The following ANK1 variants were observed in gnomAD, a reference collection of about 807,000 sequenced individuals.
ANK1 encodes the protein ankyrin-1.
In ANK1, 51 loss-of-function variants were observed where a neutral mutation model predicts 210.4. That is an observed-to-expected ratio of 0.24 (90% CI 0.19 to 0.31). ANK1 has a LOEUF of 0.31. Ranked by LOEUF, ANK1 falls within the 10% of genes least tolerant of loss-of-function variation. The pLI is 1.00. For missense variants in ANK1, 2,051 were observed against 2,504.4 expected (o/e 0.82, Z 3.86); for synonymous variants, 967 against 1,025.9 (o/e 0.94, Z 1.10).
chr8:41,703,928 C>A lies in ANK1; in HGVS notation c.2295+113G>T, dbSNP rs561570768. 4.4e-3 allele frequency: 4,333 copies of A among 976,240 alleles called. 23 individuals are homozygous for A. The highest frequency in any genetic ancestry group is 5.6e-3 in the Non-Finnish European group (3,444 of 618,350). The allele number at this position is 976,240 out of a possible 1,614,324, so 60.5% of individuals were successfully genotyped here. On this transcript the variant is annotated intron_variant, in intron 20 of 42. Transcript: ENST00000289734. The stretch of plus-strand genomic sequence containing the variant: ...AGGTAGCTGTGGCTTTAGGGTGCTG[C>A]GGCCCCGTCCAGGCCCTAGACACGT...
At chr8:41,663,925 C>T in intron 39 of ANK1, 183 bp from the exon 40 acceptor site, 1 of 673,078 alleles carries the variant, frequency 1.5e-6, no homozygotes, top group South Asian at 1.5e-5. Flanking sequence ...TGGGCGGCGC[C>T]CCTGAGGGTC....
rs376601712 is a variant in ANK1, at chr8:41,672,399, G to A, written c.5051C>T (p.Thr1684Ile). ...CACCTGACTCACGGTGGGGGAATGTGTGATTCGGGCTTGCCCCCTCTGATG... is the reference window on the plus strand; with the variant it reads ...CACCTGACTCACGGTGGGGGAATGTATGATTCGGGCTTGCCCCCTCTGATG... ...SGHQRGQARI[T>I]HSPTVSQVTE... The change falls in exon 38 of 43, where the codon ACA becomes ATA. Residue 1684 changes from threonine (T) to isoleucine (I), a missense_variant. By Grantham distance (89) the Thr-to-Ile change is moderately conservative (BLOSUM62 -1). This residue lies in a region of ANK1 where 496 missense variants were observed against 533.4 expected (regional missense o/e 0.93). Coordinates refer to ENST00000289734, the MANE Select transcript of ANK1 (RefSeq NM_000037.4). 6.7e-5 allele frequency: 108 copies of A among 1,614,098 alleles called. No homozygotes were observed. In the Middle Eastern group the frequency reaches 8.2e-4, roughly 12 times the overall value.
chr8:41,852,056 A>C (rs1811353393), intron 1 of ANK1, among the ~76,000 whole-genome samples: 1 of 152,214 alleles, frequency 6.6e-6, no homozygotes, highest in Non-Finnish European at 1.5e-5. Flanking sequence ...CTTTAGGAAG[A>C]AAAGTAGTAT....
chr8:41,780,807 T>C (rs1230877942), intron 1 of ANK1, among the ~76,000 whole-genome samples: 1 of 152,202 alleles, frequency 6.6e-6, no homozygotes, highest in Non-Finnish European at 1.5e-5. Context: ...TGTGTGTATG[T>C]ATCTGTGCAT....
At chr8:41,717,172 C>T in intron 12 of ANK1, 121 bp from the exon 13 acceptor site, 1 of 976,440 alleles carries the variant, frequency 1.0e-6, no homozygotes, top group Admixed American at 1.9e-5. Context: ...GGTGGAGTTG[C>T]CCCAGCAGGC....
chr8:41,745,314 A>G (rs1208742855), intron 2 of ANK1, among the ~76,000 whole-genome samples: 1 of 152,134 alleles, frequency 6.6e-6, no homozygotes. Flanking sequence ...CGTGGGATGG[A>G]TACGTGGGAA....
intron 1 of ANK1, among the ~76,000 whole-genome samples, chr8:41,771,016 A>C (rs920074285): frequency 6.6e-6 from 1 of 152,210 alleles, no homozygotes; most frequent in Non-Finnish European, 1.5e-5. Context: ...CTACTCCTCT[A>C]TGTGACTGGC....
chr8:41,806,396 G>GA (rs1318750640), intron 1 of ANK1, among the ~76,000 whole-genome samples: 1 of 151,950 alleles, frequency 6.6e-6, no homozygotes, highest in Non-Finnish European at 1.5e-5. Flanking sequence ...AAGATAAAGG[G>GA]AAAAAAGGAG....
At chr8:41,674,885 G>A (rs962741785) in intron 37 of ANK1, among the ~76,000 whole-genome samples, 1 of 152,082 alleles carries the variant, frequency 6.6e-6, no homozygotes, top group Non-Finnish European at 1.5e-5. Flanking sequence ...TGAAATGGGT[G>A]GGTCACATCT....
chr8:41,864,015 C>A (rs550045530), intron 1 of ANK1, among the ~76,000 whole-genome samples: 1 of 152,054 alleles, frequency 6.6e-6, no homozygotes, highest in Admixed American at 6.5e-5. Context: ...GAGGCCGAGG[C>A]GGGTGGATCA....
chr8:41,734,151 C>G, intron 2 of ANK1, 82 bp from the exon 3 acceptor site: 1 of 1,220,040 alleles, frequency 8.2e-7, no homozygotes, highest in Admixed American at 1.7e-5. Flanking sequence ...CAGGCCCCTT[C>G]CCAGCCCTGA....
Position 41,704,224 on chromosome 8 carries a change from G to A in ANK1, c.2197-85C>T, listed in dbSNP as rs768537762. ...CACATGATAGTGCCTGCCCATCTTC[G>A]AAGTGGGACATTAATGAAATGCATT... On this transcript the variant is annotated intron_variant, in intron 19 of 42. Transcript: ENST00000289734. This position sits in a 1 kb window ranked among gnomAD's most constrained non-coding sequence, Gnocchi z 4.1. The A allele has an allele frequency of 7.7e-5, 107 of 1,388,364 alleles. 1 individual carries two copies. The highest frequency in any genetic ancestry group is 1.2e-4 in the South Asian group (10 of 86,226). 86.0% of individuals were successfully genotyped at this position (1,388,364 alleles called of 1,614,324 possible). A position where few individuals can be genotyped will look rare whatever the true frequency, so the allele number is the denominator to read the frequency against.
At chr8:41,853,285 A>T (rs1480216866) in intron 1 of ANK1, among the ~76,000 whole-genome samples, 1 of 152,164 alleles carries the variant, frequency 6.6e-6, no homozygotes, top group Non-Finnish European at 1.5e-5. Context: ...AAAATGATTT[A>T]CTCTACAAAA....
intron 1 of ANK1, among the ~76,000 whole-genome samples, chr8:41,792,186 C>A (rs752836223): frequency 2.0e-5 from 3 of 152,134 alleles, no homozygotes; most frequent in African/African-American, 7.2e-5. Flanking sequence ...CAAGGGTGAG[C>A]GGGAGGCAGC....
At chr8:41,884,097 C>T (rs1818042050) in intron 1 of ANK1, among the ~76,000 whole-genome samples, 1 of 152,188 alleles carries the variant, frequency 6.6e-6, no homozygotes, top group African/African-American at 2.4e-5. Context: ...ACACCTTAAT[C>T]CCAGCACTTT....
intron 42 of ANK1, among the ~76,000 whole-genome samples, chr8:41,656,238 A>G (rs1311480663): frequency 2.6e-5 from 4 of 152,252 alleles, no homozygotes; most frequent in Admixed American, 2.0e-4. Context: ...CTCTGCCAAC[A>G]TGCACTGATG....
chr8:41,769,874 G>A (rs1010546129), intron 1 of ANK1, among the ~76,000 whole-genome samples: 2 of 150,862 alleles, frequency 1.3e-5, no homozygotes, highest in Non-Finnish European at 2.9e-5. Context: ...AAAATTTTTT[G>A]TAGAGAAGGG....
At chr8:41,766,258 C>T (rs1841759796) in intron 1 of ANK1, among the ~76,000 whole-genome samples, 1 of 152,100 alleles carries the variant, frequency 6.6e-6, no homozygotes, top group African/African-American at 2.4e-5. Flanking sequence ...ATCTGAGAGC[C>T]GCACTGGGGT....
At chr8:41,719,245 C>A (rs367661267) in intron 10 of ANK1, among the ~76,000 whole-genome samples, 2 of 152,150 alleles carry the variant, frequency 1.3e-5, no homozygotes, top group African/African-American at 4.8e-5. Flanking sequence ...CCTCTGTGGA[C>A]GAAGGATGCT....
Sources: allele counts gnomAD v4.1 joint callset (sites outside exome capture counted in the v4.1 genomes callset), GRCh38; gene constraint gnomAD v4.1.1; regional missense constraint gnomAD v4.1.1; non-coding constraint Gnocchi (gnomAD v3.1); transcripts MANE v1.5; gene names NCBI Gene and HGNC (gene_info 2026-07-23, HGNC 2026-07-21).